Variants in MAML3 observed in about 807,000 individuals in gnomAD.
MAML3 encodes mastermind like transcriptional coactivator 3, also known as mastermind-like protein 3.
Under a neutral mutation model 101.9 loss-of-function variants are expected in MAML3, and 27 were observed. That is an observed-to-expected ratio of 0.27 (90% CI 0.20 to 0.37). The LOEUF (loss-of-function observed/expected upper bound fraction) is 0.37, where lower values mean the gene tolerates loss of function less well. Among genes scored for constraint, MAML3 ranks in the 10% least tolerant of loss-of-function variants. MAML3 has a pLI of 1.00. For synonymous variants in MAML3, 501 were observed against 555.9 expected (o/e 0.90, Z 1.39); for missense variants, 1,316 against 1,444.9 (o/e 0.91, Z 1.45).
In MAML3 at chr4:140,026,109, A is replaced by AT. The variant is rs779158170; in HGVS notation, c.468+126750dup. 3.6e-4 allele frequency among the ~76,000 whole-genome samples: 55 copies of AT among 151,636 alleles called. No individual in the cohort carries two copies. The East Asian group carries it at 6.6e-3, about 18-fold the overall frequency. On this transcript the variant is annotated intron_variant, in intron 1 of 4. Coordinates refer to ENST00000509479, the MANE Select transcript of MAML3 (RefSeq NM_018717.5). ...TATCCCTTAATGATTAGGAACCTCG[A>AT]TTTTTTTTTCCAAGAAAATAACCAT...
At chr4:140,005,704 A>G (rs1726431219) in intron 1 of MAML3, among the ~76,000 whole-genome samples, 1 of 152,262 alleles carries the variant, frequency 6.6e-6, no homozygotes, top group South Asian at 2.1e-4. Context: ...CCTGGAGATG[A>G]ACTTTGTTAA....
rs143498574 is a variant in MAML3, at chr4:140,017,619, A to G, written c.469-126652T>C. On this transcript the variant is annotated intron_variant, in intron 1 of 4. Transcript: ENST00000509479. ...CTATGGCATACTACTCAGCAATAAA[A>G]AGGAATGAACTATTGATACACACAA... is the stretch of plus-strand genomic sequence containing the variant. Among the ~76,000 whole-genome samples, 267 of 152,208 alleles carry G rather than the reference A, an allele frequency of 1.8e-3. 1 individual carries two copies. The highest frequency in any genetic ancestry group is 6.1e-3 in the African/African-American group (255 of 41,552).
intron 1 of MAML3, among the ~76,000 whole-genome samples, chr4:140,132,710 C>T (rs1479728008): frequency 6.6e-6 from 1 of 152,178 alleles, no homozygotes; most frequent in Non-Finnish European, 1.5e-5. Context: ...GCACGAACAT[C>T]CCTGAAAACA....
intron 2 of MAML3, among the ~76,000 whole-genome samples, chr4:139,812,987 A>AT (rs1000576365): frequency 7.0e-6 from 1 of 143,772 alleles, no homozygotes; most frequent in Non-Finnish European, 1.5e-5. Flanking sequence ...AAAAAAAAAA[A>AT]AGGGGAGAAC....
chr4:139,854,136 T>A (rs1468977250), intron 2 of MAML3, among the ~76,000 whole-genome samples: 1 of 151,930 alleles, frequency 6.6e-6, no homozygotes, highest in Non-Finnish European at 1.5e-5. Context: ...TTTTTTTTTA[T>A]CCTTTCTATG....
rs549156485 is a variant in MAML3, at chr4:139,935,011, T to C, written c.469-44044A>G. On this transcript the variant is annotated intron_variant, in intron 1 of 4. Transcript: ENST00000509479. ...GTGTAACCATGTTTAGCAAAAGGTA[T>C]CAGTTTGCCAGCTACTTAATGTCTT... is the stretch of plus-strand genomic sequence containing the variant. Among the ~76,000 whole-genome samples the C allele has an allele frequency of 2.6e-5, 4 of 152,252 alleles. No individual in the cohort carries two copies. In the East Asian group the frequency reaches 7.7e-4, roughly 29 times the overall value.
intron 1 of MAML3, among the ~76,000 whole-genome samples, chr4:139,942,342 T>C (rs967862077): frequency 1.3e-5 from 2 of 152,182 alleles, no homozygotes; most frequent in Non-Finnish European, 2.9e-5. Flanking sequence ...GTCATGTCAT[T>C]AAGGCTGATG....
In MAML3 at chr4:139,890,638, G is replaced by A; in HGVS notation, c.798C>T (p.Phe266=). The change falls in exon 2 of 5, where the codon TTC becomes TTT. Residue 266 remains phenylalanine, a synonymous_variant. Transcript: ENST00000509479. This position sits in a 1 kb window ranked among gnomAD's most constrained non-coding sequence, Gnocchi z 4.1. ...TGAGGTCTTTGCTCTGCAAGATGGT[G>A]AAGCTATCCTCCAGGTCACTGCAAC... The part of the protein sequence containing the change: ...VNGCSDLEDS[F]TILQSKDLKQ... The A allele has an allele frequency of 1.9e-6, 3 of 1,613,922 alleles. No homozygotes were observed. The highest frequency in any genetic ancestry group is 1.7e-6 in the Non-Finnish European group (2 of 1,179,790).
At chr4:139,862,212 AAAAC>A (rs1392344080) in intron 2 of MAML3, among the ~76,000 whole-genome samples, 1 of 152,212 alleles carries the variant, frequency 6.6e-6, no homozygotes, top group East Asian at 1.9e-4. Context: ...TCTTGTCTCA[AAAAC>A]AAACAAACAA....
intron 1 of MAML3, among the ~76,000 whole-genome samples, chr4:140,013,536 C>G (rs530546745): frequency 8.5e-5 from 13 of 152,286 alleles, no homozygotes; most frequent in Non-Finnish European, 1.5e-4. Context: ...AAATATACAC[C>G]TACCTCATGC....
At chr4:139,947,347 C>T (rs1218571517) in intron 1 of MAML3, among the ~76,000 whole-genome samples, 1 of 152,164 alleles carries the variant, frequency 6.6e-6, no homozygotes, top group Admixed American at 6.5e-5. Context: ...ATTCCTAAGT[C>T]TTAGTCTTCT....
intron 2 of MAML3, among the ~76,000 whole-genome samples, chr4:139,864,260 G>A (rs112743908): frequency 1.1e-4 from 17 of 152,266 alleles, no homozygotes; most frequent in African/African-American, 3.9e-4. Context: ...TCTGGGCCAT[G>A]GTGTGGCTCA....
intron 4 of MAML3, among the ~76,000 whole-genome samples, chr4:139,724,797 CAG>C (rs1474362793): frequency 7.1e-6 from 1 of 141,224 alleles, no homozygotes; most frequent in Non-Finnish European, 1.5e-5. Context: ...TTTTTTGAGA[CAG>C]AGTCTCGCTC....
At chr4:139,737,544 C>T (rs149918854) in intron 2 of MAML3, among the ~76,000 whole-genome samples, 2,269 of 145,626 alleles carry the variant, frequency 0.016, 28 homozygotes, top group Middle Eastern at 0.044. Context: ...GAAAGAGCAC[C>T]AAAATATGCA....
rs768976958 is a variant in MAML3, at chr4:139,783,538, T to G, written c.2080-52871A>C. On this transcript the variant is annotated intron_variant, in intron 2 of 4. Coordinates refer to ENST00000509479, the MANE Select transcript of MAML3 (RefSeq NM_018717.5). ...CTGCTTCCAAGTGTCAAGCTGAACA[T>G]TTTCCTTTGTTATCGCTTCCAGCCC... Among the ~76,000 whole-genome samples the G allele has an allele frequency of 6.5e-4, 99 of 152,332 alleles. 1 individual carries two copies. Among genetic ancestry groups the G allele is most frequent in the East Asian group, 5.8e-4 (3 of 5,188 alleles).
chr4:139,997,078 T>C lies in MAML3; in HGVS notation c.469-106111A>G, dbSNP rs555108976. Reference sequence around the variant, plus strand: ...CTCAAGAAATAATAATAATAATAAATAAAATAAAATAAATTTTTTTGAGAC... The same window carrying C: ...CTCAAGAAATAATAATAATAATAAACAAAATAAAATAAATTTTTTTGAGAC... On this transcript the variant is annotated intron_variant, in intron 1 of 4. Transcript: ENST00000509479. Among the ~76,000 whole-genome samples the C allele has an allele frequency of 2.1e-5, 3 of 145,306 alleles. No individual in the cohort carries two copies. In the East Asian group the frequency reaches 5.9e-4, roughly 29 times the overall value.
intron 2 of MAML3, among the ~76,000 whole-genome samples, chr4:139,875,411 T>TGG (rs1732093524): frequency 6.6e-6 from 1 of 152,190 alleles, no homozygotes; most frequent in Non-Finnish European, 1.5e-5. Context: ...CCAGTTTCTC[T>TGG]CACTAGACCG....
intron 2 of MAML3, among the ~76,000 whole-genome samples, chr4:139,745,594 A>C (rs114205319): frequency 0.016 from 2,470 of 151,988 alleles, 70 homozygotes; most frequent in African/African-American, 0.057. Flanking sequence ...CTGGGATCCC[A>C]CCTCCTCCCA....
chr4:140,069,816 TAAAA>T (rs1157399266), intron 1 of MAML3, among the ~76,000 whole-genome samples: 1 of 144,188 alleles, frequency 6.9e-6, no homozygotes, highest in Non-Finnish European at 1.5e-5. Context: ...CTGGAGTCCT[TAAAA>T]AAAAAAAAAT....
Sources: gnomAD v4.1 joint callset for allele counts (sites outside exome capture counted in the v4.1 genomes callset) on GRCh38, gnomAD v4.1.1 for gene constraint, Gnocchi (gnomAD v3.1) non-coding constraint, MANE v1.5 for transcripts, NCBI Gene and HGNC (gene_info 2026-07-23, HGNC 2026-07-21) for gene names.